The following PTPRN2 variants were observed in gnomAD, a reference collection of about 807,000 sequenced individuals.
The protein encoded by PTPRN2 is receptor-type tyrosine-protein phosphatase N2.
In PTPRN2, 74 loss-of-function variants were observed where a neutral mutation model predicts 118.8. The observed-to-expected ratio is 0.62, with a 90% CI of 0.52 to 0.76. PTPRN2 has a LOEUF of 0.76. PTPRN2 is among the 30% of genes least tolerant of loss of function. PTPRN2 has a pLI of 0.00. For synonymous variants in PTPRN2, 641 were observed against 608.0 expected (o/e 1.05, Z -0.80); for missense variants, 1,481 against 1,394.4 (o/e 1.06, Z -0.99).
At chr7:157,846,739 C>G in intron 12 of PTPRN2, among the ~76,000 whole-genome samples, 1 of 150,102 alleles carries the variant, frequency 6.7e-6, no homozygotes, top group East Asian at 2.0e-4. Context: ...AGCCCTCTCT[C>G]ACTCCATCAT....
chr7:157,577,281 G>A (rs10257159), intron 18 of PTPRN2, among the ~76,000 whole-genome samples: 5,430 of 152,174 alleles, frequency 0.036, 315 homozygotes, highest in African/African-American at 0.12. Flanking sequence ...AGGCACTTCC[G>A]GGCCTAAGCG....
intron 3 of PTPRN2, among the ~76,000 whole-genome samples, chr7:158,273,134 G>A (rs1798624374): frequency 6.6e-6 from 1 of 151,336 alleles, no homozygotes; most frequent in African/African-American, 2.4e-5. Flanking sequence ...TCAGGCCCCA[G>A]CTGCAGGATT....
chr7:157,669,832 C>T (rs918595523), intron 13 of PTPRN2, among the ~76,000 whole-genome samples: 15 of 152,168 alleles, frequency 9.9e-5, no homozygotes, highest in South Asian at 4.1e-4. Context: ...AGCCCTTTCT[C>T]GAGTCCCCAC....
At position 157,904,004 on chromosome 7, in the gene PTPRN2, CA is replaced by C. The variant is rs574362755; in HGVS notation, c.1724-5268del. On this transcript the variant is annotated intron_variant, in intron 11 of 22. Coordinates refer to ENST00000389418, the MANE Select transcript of PTPRN2 (RefSeq NM_002847.5). The stretch of plus-strand genomic sequence containing the variant: ...TTTGCTGCATGTCTCATGGCCGGGC[CA>C]CTGTCACTTCCTAAGGAGAAAGTGC... Among the ~76,000 whole-genome samples the C allele has an allele frequency of 6.5e-3, 990 of 152,310 alleles. 14 individuals are homozygous for C. Among genetic ancestry groups the C allele is most frequent in the African/African-American group, 0.023 (952 of 41,570 alleles).
chr7:158,556,977 G>A (rs1490109803), intron 1 of PTPRN2, among the ~76,000 whole-genome samples: 2 of 147,984 alleles, frequency 1.4e-5, no homozygotes, highest in Non-Finnish European at 3.0e-5. Flanking sequence ...CTCCCGCACA[G>A]GTCAGGCGGC....
Position 157,603,952 on chromosome 7 carries a change from C to G in PTPRN2, c.2418+50G>C. 1 of 1,541,396 alleles carries G rather than the reference C, an allele frequency of 6.5e-7. No individual in the cohort carries two copies. The highest frequency in any genetic ancestry group is 9.0e-7 in the Non-Finnish European group (1 of 1,115,760). On this transcript the variant is annotated intron_variant, in intron 16 of 22. Coordinates refer to ENST00000389418, the MANE Select transcript of PTPRN2 (RefSeq NM_002847.5). The surrounding 1 kb of genome is among the most constrained non-coding windows in gnomAD (Gnocchi z 5.4). ...ACCTTCCCACGTGATTTGCCGCGTC[C>G]GTGCCACCCAAGGGAAAGCCTGGGG...
At chr7:158,129,549 A>G (rs1818002669) in intron 9 of PTPRN2, among the ~76,000 whole-genome samples, 1 of 150,654 alleles carries the variant, frequency 6.6e-6, no homozygotes, top group Admixed American at 6.6e-5. Context: ...CACACAACAC[A>G]CATGCAACAC....
In PTPRN2 at chr7:158,107,413, C is replaced by T. The variant is rs184867683; in HGVS notation, c.1643+3416G>A. On this transcript the variant is annotated intron_variant, in intron 10 of 22. Coordinates refer to ENST00000389418, the MANE Select transcript of PTPRN2 (RefSeq NM_002847.5). The stretch of plus-strand genomic sequence containing the variant: ...CTCAGTCACATCAGAAGTTAAAACA[C>T]TGAAGTATTTCCTACCAGGTGGGAA... 3.9e-3 allele frequency among the ~76,000 whole-genome samples: 596 copies of T among 152,294 alleles called. 5 individuals are homozygous for T. Among genetic ancestry groups the T allele is most frequent in the African/African-American group, 0.014 (570 of 41,550 alleles).
At chr7:158,557,187 G>A (rs1267151476) in intron 1 of PTPRN2, among the ~76,000 whole-genome samples, 2 of 147,140 alleles carry the variant, frequency 1.4e-5, no homozygotes, top group African/African-American at 5.1e-5. Context: ...CTCCCGCGCA[G>A]GTCAGGCGGC....
chr7:158,089,161 A>G (rs74950276), intron 10 of PTPRN2, among the ~76,000 whole-genome samples: 6 of 20,058 alleles, frequency 3.0e-4, no homozygotes, highest in African/African-American at 5.6e-4. Context: ...CTGACGAAAG[A>G]GGGAGTCTTC....
intron 11 of PTPRN2, among the ~76,000 whole-genome samples, chr7:157,995,630 T>C (rs1804668539): frequency 6.6e-6 from 1 of 152,266 alleles, no homozygotes; most frequent in African/African-American, 2.4e-5. Flanking sequence ...AACGTGCATC[T>C]GGGTGTGGAC....
chr7:157,729,465 G>T lies in PTPRN2; in HGVS notation c.1789-46528C>A, dbSNP rs766858881. Among the ~76,000 whole-genome samples the T allele has an allele frequency of 6.6e-6, 1 of 152,186 alleles. No individual in the cohort carries two copies. Among genetic ancestry groups the T allele is most frequent in the South Asian group, 2.1e-4 (1 of 4,836 alleles). Reference sequence around the variant, plus strand: ...GACTCCTGGGAAGACTTCTCTTTGAGGAAATGTTTCCGCTGCTAAAATGCA... The same window carrying T: ...GACTCCTGGGAAGACTTCTCTTTGATGAAATGTTTCCGCTGCTAAAATGCA... On this transcript the variant is annotated intron_variant, in intron 12 of 22. Coordinates refer to ENST00000389418, the MANE Select transcript of PTPRN2 (RefSeq NM_002847.5). The surrounding 1 kb of genome is among the most constrained non-coding windows in gnomAD (Gnocchi z 4.3).
At chr7:158,164,360 CACGCAGAGCAGGAGGG>C in intron 6 of PTPRN2, among the ~76,000 whole-genome samples, 1 of 36,952 alleles carries the variant, frequency 2.7e-5, no homozygotes, top group Non-Finnish European at 7.5e-5. Context: ...GTAAGAAGGG[CACGCAGAGCAGGAGGG>C]TGCGTAGGAA....
intron 6 of PTPRN2, among the ~76,000 whole-genome samples, chr7:158,143,098 A>C (rs1007085398): frequency 1.3e-5 from 2 of 152,020 alleles, no homozygotes; most frequent in African/African-American, 4.8e-5. Context: ...TTTCTTTCCC[A>C]GCGATTATCA....
At position 157,657,273 on chromosome 7, in the gene PTPRN2, A is replaced by C. The variant is rs1282499579; in HGVS notation, c.2002-722T>G. Among the ~76,000 whole-genome samples, 81 of 50,656 alleles carry C rather than the reference A, an allele frequency of 1.6e-3. 9 individuals carry two copies. Among genetic ancestry groups the C allele is most frequent in the African/African-American group, 6.9e-3 (80 of 11,536 alleles). The allele number at this position is 50,656 out of a possible 152,430, so 33.2% of individuals were successfully genotyped here. ...TCACACATATACACACACATACACC[A>C]CACACACACCACACACATCACACAT... On this transcript the variant is annotated intron_variant, in intron 13 of 22. Transcript: ENST00000389418.
At position 157,809,455 on chromosome 7, in the gene PTPRN2, A is replaced by G. The variant is rs536730732; in HGVS notation, c.1788+89218T>C. Among the ~76,000 whole-genome samples, 19 of 152,324 alleles carry G rather than the reference A, an allele frequency of 1.2e-4. No individual in the cohort carries two copies. The South Asian group carries it at 3.3e-3, about 27-fold the overall frequency. On this transcript the variant is annotated intron_variant, in intron 12 of 22. Transcript: ENST00000389418. ...CCGCGTAGGCCCAGGGTTGGATGAG[A>G]TGACACCAAGGCACTGTGGCGAGCA...
chr7:158,388,244 C>A (rs576968263), intron 2 of PTPRN2, among the ~76,000 whole-genome samples: 1 of 152,156 alleles, frequency 6.6e-6, no homozygotes, highest in Non-Finnish European at 1.5e-5. Context: ...ACATCCTCCA[C>A]GGGAAGCCAC....
At chr7:158,096,730 G>A (rs770584092) in intron 10 of PTPRN2, among the ~76,000 whole-genome samples, 9 of 152,210 alleles carry the variant, frequency 5.9e-5, no homozygotes, top group Non-Finnish European at 8.8e-5. Context: ...TACATAACAT[G>A]AGGCCCCATT....
intron 11 of PTPRN2, among the ~76,000 whole-genome samples, chr7:158,010,825 A>C (rs1275961155): frequency 6.6e-6 from 1 of 152,164 alleles, no homozygotes; most frequent in Admixed American, 6.5e-5. Context: ...TCCTCCTTTA[A>C]ATTTCAGTGA....
Sources: allele counts gnomAD v4.1 joint callset (sites outside exome capture counted in the v4.1 genomes callset), GRCh38; gene constraint gnomAD v4.1.1; non-coding constraint Gnocchi (gnomAD v3.1); transcripts MANE v1.5; gene names NCBI Gene and HGNC (gene_info 2026-07-23, HGNC 2026-07-21).